PIERCE1: variants seen among roughly 807,000 people sequenced by gnomAD.
The protein encoded by PIERCE1 is piercer of microtubule wall 1, also known as piercer of microtubule wall 1 protein.
At chr9:135,497,514 G>A in the PIERCE1 span, among the ~76,000 whole-genome samples, 2 of 151,948 alleles carry the variant, frequency 1.3e-5, no homozygotes, top group Non-Finnish European at 2.9e-5. Context: ...CAACCTCCTG[G>A]GCTCAAGCAA....
At chr9:135,496,628 A>G in the PIERCE1 span, among the ~76,000 whole-genome samples, 1 of 152,194 alleles carries the variant, frequency 6.6e-6, no homozygotes, top group Non-Finnish European at 1.5e-5. Context: ...CAGCAAACAC[A>G]GTTCCCCCTG....
chr9:135,495,809 C>T, the PIERCE1 span, among the ~76,000 whole-genome samples: 4 of 152,186 alleles, frequency 2.6e-5, no homozygotes, highest in African/African-American at 9.6e-5. Flanking sequence ...GCCCCCGGCA[C>T]TGTTCTAAGG....
the PIERCE1 span, chr9:135,495,568 C>T: frequency 3.8e-5 from 61 of 1,613,772 alleles, no homozygotes; most frequent in Admixed American, 8.7e-4. Context: ...ACATTCCACC[C>T]GCTGCAAGTT....
chr9:135,495,460 A>G, the PIERCE1 span: 1 of 1,614,034 alleles, frequency 6.2e-7, no homozygotes. Context: ...TGATGTTGTA[A>G]CTGGGGTGGA....
chr9:135,495,566 C>A, the PIERCE1 span: 1 of 1,614,012 alleles, frequency 6.2e-7, no homozygotes. Flanking sequence ...GAACATTCCA[C>A]CCGCTGCAAG....
the PIERCE1 span, among the ~76,000 whole-genome samples, chr9:135,498,407 T>C: frequency 6.6e-6 from 1 of 152,036 alleles, no homozygotes; most frequent in Non-Finnish European, 1.5e-5. The surrounding 1 kb of genome is among the most constrained non-coding windows in gnomAD (Gnocchi z 4.1). Flanking sequence ...TCCTACCCTC[T>C]CCCAAAGCGA....
At chr9:135,495,626 T>C in the PIERCE1 span, 3 of 1,601,538 alleles carry the variant, frequency 1.9e-6, no homozygotes, top group Non-Finnish European at 2.6e-6. Context: ...CTATAAGAGA[T>C]AAAGGAACAC....
chr9:135,499,817 G>A, the PIERCE1 span: 2 of 1,602,600 alleles, frequency 1.2e-6, no homozygotes. Context: ...GGGCGCCACA[G>A]GCTCCGCGCA....
the PIERCE1 span, among the ~76,000 whole-genome samples, chr9:135,496,931 G>C: frequency 6.6e-6 from 1 of 151,850 alleles, no homozygotes; most frequent in African/African-American, 2.4e-5. Context: ...CAAGCAGCTG[G>C]GATTACAGGC....
the PIERCE1 span, chr9:135,498,568 T>C: frequency 6.2e-7 from 1 of 1,613,068 alleles, no homozygotes; most frequent in Non-Finnish European, 8.5e-7. The surrounding 1 kb of genome is among the most constrained non-coding windows in gnomAD (Gnocchi z 4.1). Context: ...CCATGCCCGG[T>C]CTTGCATCCC....
At chr9:135,499,493 G>GGCCCTGCCCCCCACT in the PIERCE1 span, 20 of 733,228 alleles carry the variant, frequency 2.7e-5, no homozygotes, top group Middle Eastern at 2.3e-4. Context: ...CTCCCCCCAC[G>GGCCCTGCCCCCCACT]GCCCTGCCCC....
chr9:135,499,815 C>A, the PIERCE1 span: 1 of 1,602,928 alleles, frequency 6.2e-7, no homozygotes, highest in Non-Finnish European at 8.5e-7. Flanking sequence ...TTGGGCGCCA[C>A]AGGCTCCGCG....
chr9:135,499,849 CATTGTGCCTGG>C, the PIERCE1 span: 1 of 1,575,720 alleles, frequency 6.3e-7, no homozygotes, highest in East Asian at 2.3e-5. Context: ...ATTCCTCAGC[CATTGTGCCTGG>C]AGGAGAAGCG....
At chr9:135,497,206 C>T in the PIERCE1 span, among the ~76,000 whole-genome samples, 18 of 152,300 alleles carry the variant, frequency 1.2e-4, no homozygotes, top group East Asian at 1.9e-4. Context: ...AGACTCCAGA[C>T]GGAGCAGGTG....
At chr9:135,499,601 G>A in the PIERCE1 span, 1 of 1,427,408 alleles carries the variant, frequency 7.0e-7, no homozygotes, top group Non-Finnish European at 9.6e-7. Flanking sequence ...ATGACCACTC[G>A]ATCTTCTTGA....
chr9:135,498,549 C>T, the PIERCE1 span: 3 of 1,602,388 alleles, frequency 1.9e-6, no homozygotes, highest in South Asian at 2.2e-5. The surrounding 1 kb of genome is among the most constrained non-coding windows in gnomAD (Gnocchi z 4.1). Flanking sequence ...GCCACCCACC[C>T]CCTGCCCCCC....
At chr9:135,495,204 T>A in the PIERCE1 span, 5 of 490,558 alleles carry the variant, frequency 1.0e-5, no homozygotes, top group East Asian at 1.4e-4. Flanking sequence ...ACGTTTTTAA[T>A]GCAAAGTCAA....
At chr9:135,496,798 T>C in the PIERCE1 span, among the ~76,000 whole-genome samples, 6 of 150,294 alleles carry the variant, frequency 4.0e-5, no homozygotes, top group Non-Finnish European at 8.9e-5. Context: ...CAGTGCATTT[T>C]TTTTTTTTTT....
the PIERCE1 span, chr9:135,499,727 C>T: frequency 5.0e-6 from 8 of 1,608,168 alleles, no homozygotes; most frequent in Non-Finnish European, 6.8e-6. Context: ...CCGGAACCAC[C>T]CCGGGTTGTT....
Sources: gnomAD v4.1 joint callset for allele counts (sites outside exome capture counted in the v4.1 genomes callset) on GRCh38, gnomAD v4.1.1 for gene constraint, Gnocchi (gnomAD v3.1) non-coding constraint, MANE v1.5 for transcripts, NCBI Gene and HGNC (gene_info 2026-07-23, HGNC 2026-07-21) for gene names.